Variants in HPSE2 observed in about 807,000 individuals in gnomAD.
The protein encoded by HPSE2 is heparanase 2 (inactive), also known as inactive heparanase-2.
A neutral mutation model predicts 60.5 loss-of-function variants in HPSE2; 38 were observed. That is an observed-to-expected ratio of 0.63 (90% CI 0.48 to 0.82). HPSE2 has a LOEUF of 0.82. Ranked by LOEUF, HPSE2 falls within the 40% of genes least tolerant of loss-of-function variation. HPSE2 has a pLI of 0.00. For missense variants in HPSE2, 713 were observed against 740.4 expected, an observed-to-expected ratio of 0.96 and a Z score of 0.43; for synonymous variants, 295 against 293.2, an observed-to-expected ratio of 1.01 and a Z score of -0.06.
intron 2 of HPSE2, among the ~76,000 whole-genome samples, chr10:99,201,981 C>A (rs1848590766): frequency 6.6e-6 from 1 of 152,128 alleles, no homozygotes; most frequent in Non-Finnish European, 1.5e-5. Context: ...CATACTCTAA[C>A]CACAGCCATC....
intron 2 of HPSE2, among the ~76,000 whole-genome samples, chr10:99,191,181 T>C (rs1848207763): frequency 6.6e-6 from 1 of 152,004 alleles, no homozygotes; most frequent in Admixed American, 6.6e-5. Flanking sequence ...CCTCTGGACC[T>C]ACCTGGGGCT....
At chr10:99,067,214 T>A (rs1372943801) in intron 3 of HPSE2, among the ~76,000 whole-genome samples, 5 of 152,166 alleles carry the variant, frequency 3.3e-5, no homozygotes, top group African/African-American at 1.2e-4. Flanking sequence ...CTGGCTACTT[T>A]CACAGGCTGG....
intron 6 of HPSE2, among the ~76,000 whole-genome samples, chr10:98,647,410 G>A (rs1029513158): frequency 3.3e-5 from 5 of 152,152 alleles, no homozygotes; most frequent in Non-Finnish European, 7.3e-5. Flanking sequence ...TCAGGTAATT[G>A]CATTAGTGCG....
At chr10:98,834,384 T>C (rs1271351367) in intron 3 of HPSE2, among the ~76,000 whole-genome samples, 1 of 152,088 alleles carries the variant, frequency 6.6e-6, no homozygotes, top group Admixed American at 6.6e-5. Context: ...GGAAAAAGAA[T>C]CAAAGATTTA....
intron 9 of HPSE2, among the ~76,000 whole-genome samples, chr10:98,571,940 C>CTTTCTTTTT (rs560289933): frequency 4.3e-5 from 6 of 140,724 alleles, no homozygotes; most frequent in African/African-American, 8.0e-5. Flanking sequence ...AATTCCTTTT[C>CTTTCTTTTT]TTTTTTTTTT....
intron 3 of HPSE2, among the ~76,000 whole-genome samples, chr10:98,902,937 G>A (rs1953706750): frequency 6.6e-6 from 1 of 151,912 alleles, no homozygotes; most frequent in South Asian, 2.1e-4. Flanking sequence ...ACACCCAGGA[G>A]AATTAAAAAC....
chr10:98,913,888 G>A (rs528432757), intron 3 of HPSE2, among the ~76,000 whole-genome samples: 1 of 152,288 alleles, frequency 6.6e-6, no homozygotes, highest in African/African-American at 2.4e-5. Flanking sequence ...CTAAATGACT[G>A]GTGGAGCTTA....
intron 9 of HPSE2, among the ~76,000 whole-genome samples, chr10:98,533,520 G>T (rs927209265): frequency 1.1e-4 from 17 of 152,180 alleles, no homozygotes; most frequent in Non-Finnish European, 4.4e-5. Context: ...ATATTGAATA[G>T]ACCTGTATAG....
chr10:98,695,509 C>A (rs1948188422), intron 5 of HPSE2, among the ~76,000 whole-genome samples: 1 of 152,140 alleles, frequency 6.6e-6, no homozygotes, highest in Admixed American at 6.5e-5. Context: ...GCCAGCCATT[C>A]ACATGTTATT....
intron 3 of HPSE2, among the ~76,000 whole-genome samples, chr10:98,999,110 T>C (rs1193117880): frequency 6.6e-6 from 1 of 151,906 alleles, no homozygotes; most frequent in Non-Finnish European, 1.5e-5. Flanking sequence ...AATGAAATAA[T>C]GTCTCAGTTA....
At chr10:98,690,808 G>T (rs889606569) in intron 6 of HPSE2, among the ~76,000 whole-genome samples, 1 of 151,924 alleles carries the variant, frequency 6.6e-6, no homozygotes, top group East Asian at 1.9e-4. Flanking sequence ...AAATGGGTTG[G>T]TGGGCAGGAC....
At chr10:99,171,816 A>G (rs142587175) in intron 2 of HPSE2, among the ~76,000 whole-genome samples, 10 of 152,128 alleles carry the variant, frequency 6.6e-5, no homozygotes, top group African/African-American at 2.4e-4. Context: ...TCATTCTGTG[A>G]CTAAAAAAAA....
At chr10:98,707,531 T>TA (rs1163429333) in intron 5 of HPSE2, among the ~76,000 whole-genome samples, 1 of 152,116 alleles carries the variant, frequency 6.6e-6, no homozygotes, top group Non-Finnish European at 1.5e-5. Context: ...GAACATTATA[T>TA]AAAAAATGAG....
At chr10:99,040,363 C>A (rs1957709511) in intron 3 of HPSE2, among the ~76,000 whole-genome samples, 2 of 152,034 alleles carry the variant, frequency 1.3e-5, no homozygotes, top group African/African-American at 4.8e-5. Context: ...ACTCATGGTA[C>A]TTTTCTATGA....
chr10:99,249,119 G>A, the HPSE2 span, among the ~76,000 whole-genome samples: 1 of 152,198 alleles, frequency 6.6e-6, no homozygotes, highest in African/African-American at 2.4e-5. Flanking sequence ...GTCCCCACTA[G>A]GGCACTTCCT....
intron 2 of HPSE2, among the ~76,000 whole-genome samples, chr10:99,194,347 AATG>A (rs1371064269): frequency 6.6e-6 from 1 of 151,966 alleles, no homozygotes; most frequent in Admixed American, 6.6e-5. Context: ...TAAACAATAT[AATG>A]ATGCATCTTA....
chr10:99,310,634 T>C, the HPSE2 span, among the ~76,000 whole-genome samples: 10 of 152,162 alleles, frequency 6.6e-5, no homozygotes, highest in Non-Finnish European at 1.5e-4. Flanking sequence ...ATCCATTTTA[T>C]TTTTGTTTTT....
At chr10:99,240,004 C>A (rs1211961830), upstream of HPSE2, among the ~76,000 whole-genome samples, 1 of 151,884 alleles carries the variant, frequency 6.6e-6, no homozygotes, top group Non-Finnish European at 1.5e-5. Flanking sequence ...GCCTGACCAA[C>A]ATAGTGAAAC....
the HPSE2 span, among the ~76,000 whole-genome samples, chr10:99,284,155 C>T: frequency 6.6e-6 from 1 of 152,028 alleles, no homozygotes; most frequent in Non-Finnish European, 1.5e-5. Context: ...ATATTAAATG[C>T]TTAATATTAA....
Sources: gnomAD v4.1 joint callset for allele counts (sites outside exome capture counted in the v4.1 genomes callset) on GRCh38, gnomAD v4.1.1 for gene constraint, MANE v1.5 for transcripts, NCBI Gene and HGNC (gene_info 2026-07-23, HGNC 2026-07-21) for gene names.